Variants in CSMD1 observed in about 807,000 individuals in gnomAD.
CSMD1 encodes the protein CUB and Sushi multiple domains 1.
Under a neutral mutation model 417.5 loss-of-function variants are expected in CSMD1, and 213 were observed. The ratio of observed to expected loss-of-function variants is 0.51; its 90% CI spans 0.46 to 0.57. CSMD1 has a LOEUF of 0.57. CSMD1 is among the 20% of genes least tolerant of loss of function. The probability of loss-of-function intolerance (pLI) is 0.00; values close to 1 mark genes in which losing one functional copy is unlikely to be tolerated. For missense variants in CSMD1, 6,923 were observed against 4,529.7 expected (o/e 1.53, Z -15.17); for synonymous variants, 2,862 against 1,736.8 (o/e 1.65, Z -16.11).
intron 17 of CSMD1, among the ~76,000 whole-genome samples, chr8:3,391,292 G>A (rs1470837207): frequency 6.6e-6 from 1 of 152,168 alleles, no homozygotes. Flanking sequence ...ACATTTACAA[G>A]TGATGAATCT....
At chr8:3,003,514 G>C (rs921862120) in intron 52 of CSMD1, among the ~76,000 whole-genome samples, 1 of 152,108 alleles carries the variant, frequency 6.6e-6, no homozygotes, top group South Asian at 2.1e-4. Flanking sequence ...CTCACCACTG[G>C]GCAGTCATGT....
At chr8:3,112,789 G>A (rs1030531303) in intron 42 of CSMD1, among the ~76,000 whole-genome samples, 5 of 152,072 alleles carry the variant, frequency 3.3e-5, no homozygotes, top group Non-Finnish European at 1.5e-5. Context: ...AATAACAGAC[G>A]CTCATCATCA....
intron 5 of CSMD1, among the ~76,000 whole-genome samples, chr8:3,928,726 G>A (rs7829819): frequency 0.018 from 2,741 of 149,580 alleles, 198 homozygotes; most frequent in African/African-American, 0.063. Context: ...CTTAATATAC[G>A]TGAATACTTT....
chr8:3,369,800 C>G (rs193239291), intron 18 of CSMD1, among the ~76,000 whole-genome samples: 1 of 152,320 alleles, frequency 6.6e-6, no homozygotes, highest in East Asian at 1.9e-4. Flanking sequence ...GTAATCATTT[C>G]AATGGGAAAG....
At position 4,734,892 on chromosome 8, in the gene CSMD1, C is replaced by T. The variant is rs1409526284; in HGVS notation, c.86-97334G>A. Among the ~76,000 whole-genome samples, 3 of 152,286 alleles carry T rather than the reference C, an allele frequency of 2.0e-5. No individual in the cohort carries two copies. In the South Asian group the frequency reaches 6.2e-4, roughly 32 times the overall value. Reference sequence around the variant, plus strand: ...TGTGTTTACCCCAGCCAGCAGCAGGCTGGCCACAGTATTTCCTTCTCCTAG... The same window carrying T: ...TGTGTTTACCCCAGCCAGCAGCAGGTTGGCCACAGTATTTCCTTCTCCTAG... On this transcript the variant is annotated intron_variant, in intron 1 of 69. Coordinates refer to ENST00000635120, the MANE Select transcript of CSMD1 (RefSeq NM_033225.6).
rs185676017 is a variant in CSMD1, at chr8:3,737,529, G to C, written c.931+16401C>G. On this transcript the variant is annotated intron_variant, in intron 6 of 69. Coordinates refer to ENST00000635120, the MANE Select transcript of CSMD1 (RefSeq NM_033225.6). ...AACATTTTTTACTTACACTGTTACT[G>C]GTTTCTTTTTACCAATCTCCTTGCA... Among the ~76,000 whole-genome samples, 448 of 152,214 alleles carry C rather than the reference G, an allele frequency of 2.9e-3. 4 individuals carry two copies. Among genetic ancestry groups the C allele is most frequent in the Middle Eastern group, 0.01 (3 of 294 alleles).
At chr8:4,562,586 G>A (rs1040405501) in intron 2 of CSMD1, among the ~76,000 whole-genome samples, 1 of 152,056 alleles carries the variant, frequency 6.6e-6, no homozygotes, top group Non-Finnish European at 1.5e-5. Flanking sequence ...CCTGACTACT[G>A]AAATAATATC....
intron 5 of CSMD1, among the ~76,000 whole-genome samples, chr8:3,994,114 T>C (rs563680613): frequency 1.2e-4 from 18 of 152,338 alleles, no homozygotes; most frequent in Non-Finnish European, 2.5e-4. Context: ...AGCTCAGTCA[T>C]GGAAGTTAAG....
rs920644541 is a variant in CSMD1, at chr8:4,354,135, T to C, written c.415+65818A>G. On this transcript the variant is annotated intron_variant, in intron 3 of 69. Coordinates refer to ENST00000635120, the MANE Select transcript of CSMD1 (RefSeq NM_033225.6). ...GCCCAAGAACGCGCCTGAAAGTAAA[T>C]TTTAAAAATTTAAATGTAAAAATTA... 2.0e-5 allele frequency among the ~76,000 whole-genome samples: 3 copies of C among 152,178 alleles called. No individual in the cohort carries two copies. In the East Asian group the frequency reaches 5.8e-4, roughly 29 times the overall value.
intron 2 of CSMD1, among the ~76,000 whole-genome samples, chr8:4,441,867 G>T (rs76558115): frequency 6.6e-6 from 1 of 152,084 alleles, no homozygotes; most frequent in Non-Finnish European, 1.5e-5. Context: ...AGAAAGATTT[G>T]AGTTATTTTA....
At chr8:4,700,609 T>C (rs1426293856) in intron 1 of CSMD1, among the ~76,000 whole-genome samples, 2 of 152,132 alleles carry the variant, frequency 1.3e-5, no homozygotes, top group East Asian at 3.8e-4. Context: ...TGGGTATCAT[T>C]AACAGAAACA....
chr8:3,304,366 G>A (rs1027823414), intron 25 of CSMD1, among the ~76,000 whole-genome samples: 4 of 151,960 alleles, frequency 2.6e-5, no homozygotes, highest in Non-Finnish European at 5.9e-5. Flanking sequence ...CATTTTTTCT[G>A]AGTATTAGTA....
chr8:3,455,221 T>C (rs1030337130), intron 12 of CSMD1, among the ~76,000 whole-genome samples: 3 of 152,184 alleles, frequency 2.0e-5, no homozygotes, highest in Admixed American at 1.3e-4. Context: ...GTCTAATTTT[T>C]TTTCAAGGTT....
At chr8:3,356,365 G>A (rs1001446599) in intron 21 of CSMD1, among the ~76,000 whole-genome samples, 1 of 152,204 alleles carries the variant, frequency 6.6e-6, no homozygotes, top group African/African-American at 2.4e-5. Context: ...GCAGTCTGAG[G>A]AGGGAGACAA....
intron 5 of CSMD1, among the ~76,000 whole-genome samples, chr8:3,786,944 G>T (rs1439328900): frequency 6.6e-6 from 1 of 152,130 alleles, no homozygotes; most frequent in African/African-American, 2.4e-5. Flanking sequence ...CAGGAATTTG[G>T]ATGGACACCG....
chr8:4,539,414 T>G (rs996232594), intron 2 of CSMD1, among the ~76,000 whole-genome samples: 4 of 152,232 alleles, frequency 2.6e-5, no homozygotes, highest in Non-Finnish European at 4.4e-5. Flanking sequence ...ATTTCATTTA[T>G]GATGGCATTA....
chr8:3,441,713 T>A (rs1378073803), intron 12 of CSMD1, among the ~76,000 whole-genome samples: 1 of 152,136 alleles, frequency 6.6e-6, no homozygotes, highest in Admixed American at 6.6e-5. Context: ...CTGCCAGCCA[T>A]GTGAAAGCGG....
At chr8:4,112,311 G>T (rs1312806743) in intron 3 of CSMD1, among the ~76,000 whole-genome samples, 1 of 152,156 alleles carries the variant, frequency 6.6e-6, no homozygotes, top group African/African-American at 2.4e-5. Flanking sequence ...CATTTACACA[G>T]ACTCCACCCT....
intron 40 of CSMD1, among the ~76,000 whole-genome samples, chr8:3,145,615 T>A (rs1400613498): frequency 2.0e-5 from 3 of 152,184 alleles, no homozygotes; most frequent in African/African-American, 4.8e-5. Flanking sequence ...ACCTAATACA[T>A]ATCAGAAAAT....
Sources: gnomAD v4.1 joint callset for allele counts (sites outside exome capture counted in the v4.1 genomes callset) on GRCh38, gnomAD v4.1.1 for gene constraint, MANE v1.5 for transcripts, NCBI Gene and HGNC (gene_info 2026-07-23, HGNC 2026-07-21) for gene names.